Variants in TRPV1 observed in about 807,000 individuals in gnomAD.
TRPV1 encodes the protein OTRPC1.
In TRPV1, 82 loss-of-function variants were observed where a neutral mutation model predicts 82.3. That is an observed-to-expected ratio of 1.00 (90% confidence interval 0.83 to 1.20). The LOEUF is 1.20. Ranked by LOEUF, TRPV1 falls within the 50% of genes most tolerant of loss-of-function variation. TRPV1 has a pLI of 0.00. For missense variants in TRPV1, 1,067 were observed against 1,096.8 expected (o/e 0.97, Z 0.38); for synonymous variants, 515 against 467.7 (o/e 1.10, Z -1.30).
intron 13 of TRPV1, among the ~76,000 whole-genome samples, chr17:3,574,628 G>T (rs1314043067): frequency 6.6e-6 from 1 of 152,234 alleles, no homozygotes; most frequent in Non-Finnish European, 1.5e-5. Flanking sequence ...ACTCGGATGA[G>T]CATCAAAGCA....
At chr17:3,597,741 T>A (rs915848926) in intron 2 of TRPV1, among the ~76,000 whole-genome samples, 9 of 148,826 alleles carry the variant, frequency 6.0e-5, no homozygotes, top group Non-Finnish European at 1.3e-4. Flanking sequence ...TGGCGCGATC[T>A]CAGCTCACTG....
At chr17:3,568,617 G>A (rs565564274) in intron 16 of TRPV1, among the ~76,000 whole-genome samples, 3 of 152,158 alleles carry the variant, frequency 2.0e-5, no homozygotes, top group Admixed American at 6.5e-5. Context: ...GCTAGCCATC[G>A]TGCTGTCAAC....
intron 13 of TRPV1, among the ~76,000 whole-genome samples, chr17:3,576,794 A>AGCCAAGG (rs2074938160): frequency 7.0e-6 from 1 of 142,014 alleles, no homozygotes; most frequent in South Asian, 2.3e-4. Context: ...GGTTGCAGTG[A>AGCCAAGG]GCCAAGGTCG....
intron 2 of TRPV1, among the ~76,000 whole-genome samples, chr17:3,606,064 T>A (rs1202575842): frequency 6.6e-6 from 1 of 152,180 alleles, no homozygotes; most frequent in African/African-American, 2.4e-5. Context: ...GCTCAAGCGA[T>A]TCTCCTGCCT....
chr17:3,568,343 G>T (rs1259386880), intron 16 of TRPV1, among the ~76,000 whole-genome samples: 1 of 148,400 alleles, frequency 6.7e-6, no homozygotes. Context: ...AAAAAGAAAA[G>T]AAAAGAAAAA....
At chr17:3,597,268 C>G (rs943915111) in intron 2 of TRPV1, among the ~76,000 whole-genome samples, 1 of 152,204 alleles carries the variant, frequency 6.6e-6, no homozygotes, top group Non-Finnish European at 1.5e-5. Context: ...CCAGAGCCAG[C>G]CAGAGCTGCA....
intron 12 of TRPV1, 111 bp downstream of exon 12, chr17:3,577,487 C>T (rs1373952644): frequency 7.4e-7 from 1 of 1,346,270 alleles, no homozygotes; most frequent in Non-Finnish European, 1.0e-6. Context: ...GGGGGTAAAC[C>T]AGCCCCTTCC....
At chr17:3,602,207 T>C (rs1423172556) in intron 2 of TRPV1, 1 of 152,246 alleles carries the variant, frequency 6.6e-6, no homozygotes, top group Middle Eastern at 3.2e-3. Flanking sequence ...AAATCTTGTA[T>C]AGACATGTAA....
At chr17:3,579,191 TA>T (rs1171920748) in intron 11 of TRPV1, among the ~76,000 whole-genome samples, 1 of 151,994 alleles carries the variant, frequency 6.6e-6, no homozygotes, top group Non-Finnish European at 1.5e-5. Context: ...TTAAAAAAAT[TA>T]AAATAAGTGT....
chr17:3,596,610 C>A (rs896580532), intron 2 of TRPV1, among the ~76,000 whole-genome samples: 1 of 152,230 alleles, frequency 6.6e-6, no homozygotes, highest in African/African-American at 2.4e-5. Flanking sequence ...CCTCCTCCCC[C>A]GAGGACGGCT....
rs375678016 is a variant in TRPV1 at position 3,579,859 on chromosome 17, A to T, written c.1547+598T>A. ...CTCAACCGGGAGTGATTCCGGCACCACCCCCCAAAACAAGTGAGGGGCCTT... is the reference window on the plus strand; with the variant it reads ...CTCAACCGGGAGTGATTCCGGCACCTCCCCCCAAAACAAGTGAGGGGCCTT... On this transcript the variant is annotated intron_variant, in intron 11 of 16. Coordinates refer to ENST00000572705, the MANE Select transcript of TRPV1 (RefSeq NM_080704.4). Among the ~76,000 whole-genome samples the T allele has an allele frequency of 5.6e-3, 851 of 151,626 alleles. 1 individual carries two copies. The highest frequency in any genetic ancestry group is 0.027 in the Middle Eastern group (8 of 294).
At chr17:3,573,549 A>ACCCCCCCCC in intron 14 of TRPV1, 84 bp downstream of exon 14, 1 of 55,538 alleles carries the variant, frequency 1.8e-5, no homozygotes, top group South Asian at 1.5e-4. Flanking sequence ...CCACCCACCC[A>ACCCCCCCCC]CCTGCAGCCA....
At chr17:3,594,126 T>TAA (rs1184190327) in intron 2 of TRPV1, among the ~76,000 whole-genome samples, 1 of 33,966 alleles carries the variant, frequency 2.9e-5, no homozygotes, top group Admixed American at 4.2e-4. Flanking sequence ...AAACTCTGTC[T>TAA]CAAAAAAAAA....
At chr17:3,577,884 G>A (rs952500821) in intron 11 of TRPV1, 121 bp from the exon 12 acceptor site, 110 of 913,514 alleles carry the variant, frequency 1.2e-4, no homozygotes, top group Non-Finnish European at 7.9e-5. Context: ...AGCTAGGGTT[G>A]GGCTGTCCTG....
At chr17:3,586,867 T>C (rs1404911184) in intron 8 of TRPV1, among the ~76,000 whole-genome samples, 1 of 151,824 alleles carries the variant, frequency 6.6e-6, no homozygotes, top group African/African-American at 2.4e-5. Flanking sequence ...GGCCATCGAG[T>C]CCAACCCCCA....
chr17:3,576,385 G>A (rs1473820978), intron 13 of TRPV1, among the ~76,000 whole-genome samples: 2 of 151,966 alleles, frequency 1.3e-5, no homozygotes, highest in Admixed American at 6.6e-5. Context: ...AGGTGCAGTG[G>A]CTCATGCCTG....
rs75710589 is a variant in TRPV1, at chr17:3,591,953, G to A, written c.284+114C>T. ...GGACGCTGGACCAGACCACCCCTAA[G>A]GCTCTCCAGCCCCCTGGCTTTGTGA... On this transcript the variant is annotated intron_variant, in intron 3 of 16. Coordinates refer to ENST00000572705, the MANE Select transcript of TRPV1 (RefSeq NM_080704.4). The A allele has an allele frequency of 4.9e-3, 7,011 of 1,421,242 alleles. 287 individuals are homozygous for A. The African/African-American group carries it at 0.086, about 17-fold the overall frequency. 88.0% of individuals were successfully genotyped at this position (1,421,242 alleles called of 1,614,324 possible).
At chr17:3,600,212 A>G (rs1321616653) in intron 2 of TRPV1, among the ~76,000 whole-genome samples, 3 of 152,180 alleles carry the variant, frequency 2.0e-5, no homozygotes, top group Non-Finnish European at 2.9e-5. Flanking sequence ...TGTGGGATAG[A>G]GCAATGGCTG....
chr17:3,571,988 A>G (rs919987122), intron 15 of TRPV1, 134 bp downstream of exon 15: 16 of 1,221,876 alleles, frequency 1.3e-5, no homozygotes, highest in Non-Finnish European at 1.8e-5. Context: ...GACGGCCCCA[A>G]TCCCTACAGC....
Sources: gnomAD v4.1 joint callset for allele counts (sites outside exome capture counted in the v4.1 genomes callset) on GRCh38, gnomAD v4.1.1 for gene constraint, MANE v1.5 for transcripts, NCBI Gene and HGNC (gene_info 2026-07-23, HGNC 2026-07-21) for gene names.